The following KCNH7 variants were observed in gnomAD, a reference collection of about 807,000 sequenced individuals.
KCNH7 encodes the protein potassium voltage-gated channel subfamily H member 7, also known as voltage-gated inwardly rectifying potassium channel KCNH7.
KCNH7 carries 49 observed loss-of-function variants against 120.8 expected under a neutral mutation model. That is an observed-to-expected ratio of 0.41 (90% CI 0.32 to 0.51). The LOEUF (loss-of-function observed/expected upper bound fraction) is 0.51, where lower values mean the gene tolerates loss of function less well. Ranked by LOEUF, KCNH7 falls within the 20% of genes least tolerant of loss-of-function variation. The pLI is 0.38. For missense variants in KCNH7, 1,097 were observed against 1,446.6 expected, an observed-to-expected ratio of 0.76 and a Z score of 3.92; for synonymous variants, 547 against 516.1, an observed-to-expected ratio of 1.06 and a Z score of -0.81.
intron 2 of KCNH7, among the ~76,000 whole-genome samples, chr2:162,808,251 A>G (rs1305468507): frequency 6.6e-6 from 1 of 152,204 alleles, no homozygotes; most frequent in Non-Finnish European, 1.5e-5. Context: ...TTTTTAAAAC[A>G]TATTTTTGAT....
At chr2:162,646,900 C>T (rs574020241) in intron 2 of KCNH7, among the ~76,000 whole-genome samples, 11 of 152,290 alleles carry the variant, frequency 7.2e-5, no homozygotes, top group Admixed American at 3.3e-4. Context: ...GAGCAAAAAA[C>T]CCAGCTGAGT....
chr2:162,515,266 G>A (rs945307883), intron 4 of KCNH7, among the ~76,000 whole-genome samples: 2 of 151,596 alleles, frequency 1.3e-5, no homozygotes, highest in African/African-American at 4.8e-5. Flanking sequence ...AGCACCAAAT[G>A]TTTATGTATA....
At chr2:162,519,356 C>T (rs1009867295) in intron 3 of KCNH7, among the ~76,000 whole-genome samples, 11 of 151,500 alleles carry the variant, frequency 7.3e-5, no homozygotes, top group African/African-American at 2.4e-4. Flanking sequence ...TCAAATATAA[C>T]GTTAAGTAAA....
chr2:162,408,005 T>A (rs115422794), intron 9 of KCNH7, among the ~76,000 whole-genome samples: 1 of 152,034 alleles, frequency 6.6e-6, no homozygotes, highest in Non-Finnish European at 1.5e-5. Flanking sequence ...ATGTGGGGAA[T>A]ATACATTGGC....
intron 2 of KCNH7, among the ~76,000 whole-genome samples, chr2:162,582,448 C>T (rs1298505113): frequency 1.3e-5 from 2 of 152,054 alleles, no homozygotes; most frequent in Non-Finnish European, 2.9e-5. Context: ...AGTTTCCTTA[C>T]AGAAACTCTC....
intron 2 of KCNH7, among the ~76,000 whole-genome samples, chr2:162,604,089 A>G (rs1309354087): frequency 6.6e-6 from 1 of 152,118 alleles, no homozygotes; most frequent in Non-Finnish European, 1.5e-5. Flanking sequence ...ACTTAGCTAG[A>G]GAAAGTTCTG....
At chr2:162,764,641 T>G (rs1160812358) in intron 2 of KCNH7, among the ~76,000 whole-genome samples, 1 of 152,130 alleles carries the variant, frequency 6.6e-6, no homozygotes, top group African/African-American at 2.4e-5. Flanking sequence ...AGATCGAAAC[T>G]GACAGGGAAT....
At chr2:162,643,347 C>CA (rs1321689773) in intron 2 of KCNH7, among the ~76,000 whole-genome samples, 2 of 150,392 alleles carry the variant, frequency 1.3e-5, no homozygotes, top group African/African-American at 4.9e-5. Flanking sequence ...CAAAAACAAA[C>CA]AAAAAAACCC....
intron 2 of KCNH7, among the ~76,000 whole-genome samples, chr2:162,663,399 T>C (rs796257162): frequency 5.6e-4 from 85 of 152,356 alleles, no homozygotes; most frequent in African/African-American, 1.8e-3. Flanking sequence ...TTTGAGGATA[T>C]ATTTTGATGA....
intron 2 of KCNH7, among the ~76,000 whole-genome samples, chr2:162,635,850 C>A (rs1683937734): frequency 6.6e-6 from 1 of 152,030 alleles, no homozygotes; most frequent in Admixed American, 6.6e-5. Flanking sequence ...AGCTCAAATT[C>A]CCTATGAGTT....
intron 2 of KCNH7, among the ~76,000 whole-genome samples, chr2:162,630,032 G>A (rs1236772345): frequency 2.0e-5 from 3 of 151,988 alleles, no homozygotes; most frequent in African/African-American, 4.8e-5. Flanking sequence ...GACAACATCC[G>A]AATATTGATC....
intron 2 of KCNH7, chr2:162,771,842 A>G (rs1206798263): frequency 6.6e-6 from 1 of 152,152 alleles, no homozygotes; most frequent in African/African-American, 2.4e-5. Flanking sequence ...TTCACAAATA[A>G]AATTATTGCC....
chr2:162,656,182 T>C (rs1490686097), intron 2 of KCNH7, among the ~76,000 whole-genome samples: 1 of 152,200 alleles, frequency 6.6e-6, no homozygotes, highest in Non-Finnish European at 1.5e-5. Flanking sequence ...GTAAATACTG[T>C]CTTGGAAGTA....
chr2:162,778,278 A>T (rs1683332408), intron 2 of KCNH7, among the ~76,000 whole-genome samples: 1 of 152,152 alleles, frequency 6.6e-6, no homozygotes. Context: ...CTGATAAAGA[A>T]ATTGATATGT....
chr2:162,611,011 C>T lies in KCNH7; in HGVS notation c.308-73931G>A, dbSNP rs566102545. Among the ~76,000 whole-genome samples the T allele has an allele frequency of 1.1e-4, 16 of 152,272 alleles. No individual in the cohort carries two copies. The South Asian group carries it at 3.3e-3, about 32-fold the overall frequency. On this transcript the variant is annotated intron_variant, in intron 2 of 15. Coordinates refer to ENST00000332142, the MANE Select transcript of KCNH7 (RefSeq NM_033272.4). ...GACACTGAGAAAAAGCCACACTGTC[C>T]CTCACCAATTAAAGGTACAGCATAT... is the stretch of plus-strand genomic sequence containing the variant.
chr2:162,680,268 G>C (rs1574257895), intron 2 of KCNH7, among the ~76,000 whole-genome samples: 1 of 151,666 alleles, frequency 6.6e-6, no homozygotes, highest in East Asian at 1.9e-4. Context: ...TCTTGAAGAG[G>C]AAGAGAAGGC....
At chr2:162,831,504 G>A (rs1228027501) in intron 2 of KCNH7, among the ~76,000 whole-genome samples, 2 of 152,164 alleles carry the variant, frequency 1.3e-5, no homozygotes, top group Non-Finnish European at 2.9e-5. Flanking sequence ...AATGGAAAAT[G>A]ACACCAAAGT....
intron 2 of KCNH7, among the ~76,000 whole-genome samples, chr2:162,662,463 A>G (rs1021151693): frequency 1.3e-5 from 2 of 152,220 alleles, no homozygotes; most frequent in African/African-American, 2.4e-5. Flanking sequence ...ACAGACAGAT[A>G]CCTGAAATAC....
chr2:162,789,559 G>A (rs1683846584), intron 2 of KCNH7, among the ~76,000 whole-genome samples: 1 of 151,944 alleles, frequency 6.6e-6, no homozygotes, highest in Non-Finnish European at 1.5e-5. Flanking sequence ...CGGAATACAT[G>A]TTCTTCTCTA....
Sources: gnomAD v4.1 joint callset for allele counts (sites outside exome capture counted in the v4.1 genomes callset) on GRCh38, gnomAD v4.1.1 for gene constraint, MANE v1.5 for transcripts, NCBI Gene and HGNC (gene_info 2026-07-23, HGNC 2026-07-21) for gene names.